Variants in NDUFA13 observed in about 807,000 individuals in gnomAD.
The protein encoded by NDUFA13 is NADH dehydrogenase [ubiquinone] 1 alpha subcomplex subunit 13.
Under a neutral mutation model 17.0 loss-of-function variants are expected in NDUFA13, and 16 were observed. The ratio of observed to expected loss-of-function variants is 0.94; its 90% CI spans 0.64 to 1.43. The LOEUF is 1.43. Ranked by LOEUF, NDUFA13 falls within the 40% of genes most tolerant of loss-of-function variation. The pLI, the probability that NDUFA13 is intolerant of heterozygous loss-of-function variation, is 0.00. For missense variants in NDUFA13, 228 were observed against 206.7 expected (o/e 1.10, Z -0.63); for synonymous variants, 87 against 78.4 (o/e 1.11, Z -0.58).
chr19:19,525,684 G>A (rs993792579), intron 1 of NDUFA13, among the ~76,000 whole-genome samples: 2 of 152,140 alleles, frequency 1.3e-5, no homozygotes, highest in Admixed American at 6.5e-5. Context: ...ATTCATGATG[G>A]CCTAGGTCCT....
At chr19:19,519,669 G>A (rs1203199803) in intron 1 of NDUFA13, among the ~76,000 whole-genome samples, 2 of 152,216 alleles carry the variant, frequency 1.3e-5, no homozygotes, top group Non-Finnish European at 2.9e-5. Flanking sequence ...TGTTGGTGAG[G>A]CCTGGGATAA....
chr19:19,520,906 G>A (rs750314838), intron 1 of NDUFA13, among the ~76,000 whole-genome samples: 1 of 152,150 alleles, frequency 6.6e-6, no homozygotes, highest in Non-Finnish European at 1.5e-5. Context: ...CAAGTGTTGT[G>A]TTTTCATTTT....
intron 2 of NDUFA13, chr19:19,526,694 G>C (rs934545758): frequency 3.1e-6 from 1 of 319,958 alleles, no homozygotes; most frequent in Non-Finnish European, 6.1e-6. Context: ...ACCACACCAG[G>C]CAGTGGACAC....
At chr19:19,526,043 G>A in intron 1 of NDUFA13, 139 bp from the exon 2 acceptor site, 1 of 1,524,462 alleles carries the variant, frequency 6.6e-7, no homozygotes, top group South Asian at 1.2e-5. Context: ...TGGCATGGGG[G>A]CAGAGGTGTC....
At chr19:19,526,615 A>G in intron 2 of NDUFA13, 1 of 370,550 alleles carries the variant, frequency 2.7e-6, no homozygotes, top group South Asian at 2.2e-5. Flanking sequence ...TTAGGACAGG[A>G]TATGAGTGGG....
chr19:19,525,013 G>C (rs2061094019), intron 1 of NDUFA13, among the ~76,000 whole-genome samples: 1 of 152,072 alleles, frequency 6.6e-6, no homozygotes, highest in Non-Finnish European at 1.5e-5. Flanking sequence ...CTCCAGCCTG[G>C]GTAGCAGAGT....
At chr19:19,522,533 C>T (rs1485384119) in intron 1 of NDUFA13, among the ~76,000 whole-genome samples, 5 of 127,966 alleles carry the variant, frequency 3.9e-5, no homozygotes, top group Non-Finnish European at 6.2e-5. Flanking sequence ...GGCTGGAGTG[C>T]AGTGGCGCGA....
At chr19:19,524,236 G>A (rs1369208070) in intron 1 of NDUFA13, among the ~76,000 whole-genome samples, 1 of 152,262 alleles carries the variant, frequency 6.6e-6, no homozygotes, top group Non-Finnish European at 1.5e-5. Flanking sequence ...GCCCCCCTGT[G>A]GTTGGCGAGG....
intron 1 of NDUFA13, among the ~76,000 whole-genome samples, chr19:19,519,971 CTTTTTTT>C (rs397963977): frequency 1.7e-5 from 2 of 120,270 alleles, no homozygotes; most frequent in African/African-American, 3.2e-5. Context: ...TTTTTGTTCT[CTTTTTTT>C]TTTTTTTTTT....
intron 2 of NDUFA13, chr19:19,526,860 G>T: frequency 3.4e-6 from 1 of 297,278 alleles, no homozygotes; most frequent in Admixed American, 4.8e-5. Context: ...AAAGCAGGGA[G>T]AAGAAAGGAA....
intron 1 of NDUFA13, among the ~76,000 whole-genome samples, chr19:19,524,838 G>A (rs1162981253): frequency 2.0e-5 from 3 of 151,782 alleles, no homozygotes; most frequent in Non-Finnish European, 2.9e-5. Flanking sequence ...AGAAAAGAAC[G>A]AGATATGACC....
chr19:19,527,893 C>A, intron 4 of NDUFA13, 114 bp from the exon 5 acceptor site: 1 of 1,491,756 alleles, frequency 6.7e-7, no homozygotes. Context: ...CCAGGTCCCA[C>A]AAGGGAAGGC....
At chr19:19,518,758 T>TTTTTTTTG (rs2061062440) in intron 1 of NDUFA13, among the ~76,000 whole-genome samples, 2 of 126,982 alleles carry the variant, frequency 1.6e-5, no homozygotes, top group African/African-American at 3.6e-5. Context: ...TTTTTTTTTT[T>TTTTTTTTG]GAGATGGAGT....
intron 1 of NDUFA13, among the ~76,000 whole-genome samples, chr19:19,524,243 G>A (rs372786204): frequency 6.6e-6 from 1 of 152,260 alleles, no homozygotes; most frequent in East Asian, 1.9e-4. Flanking sequence ...TGTGGTTGGC[G>A]AGGAGGAAGA....
At position 19,528,109 on chromosome 19, in the gene NDUFA13, T is replaced by G. The variant is rs1175508199; in HGVS notation, c.418T>G (p.Phe140Val). 6.2e-7 allele frequency: 1 copy of G among 1,611,716 alleles called. No homozygotes were observed. Among genetic ancestry groups the G allele is most frequent in the East Asian group, 2.2e-5 (1 of 44,888 alleles). ...GGAGGCTCTCCATGCCAGCCACGGC[T>G]TCATGTGGTACACGTAGGCCCTGTG... ...TEEALHASHG[F>V]MWYT The change falls in exon 5 of 5, where the codon TTC (phenylalanine) becomes GTC (valine). Residue 140 changes from phenylalanine (F) to valine (V), a missense_variant. Phe to Val is a conservative substitution (Grantham distance 50, BLOSUM62 -1). Transcript: ENST00000507754.
Position 19,528,063 on chromosome 19 carries a change from G to A in NDUFA13, c.372G>A (p.Leu124=). 6.2e-7 allele frequency: 1 copy of A among 1,612,074 alleles called. No homozygotes were observed. Among genetic ancestry groups the A allele is most frequent in the Middle Eastern group, 2.0e-4 (1 of 5,098 alleles). Residue 124 remains leucine (L), a synonymous_variant, in exon 5 of 5, where the codon CTG becomes CTA. Transcript: ENST00000507754. ...GGGTGCCCCCCTTGATCGGGGAGCT[G>A]TACGGGCTGCGCACCACAGAGGAGG... ...TRWVPPLIGE[L]YGLRTTEEAL...
intron 2 of NDUFA13, among the ~76,000 whole-genome samples, 157 bp from the exon 3 acceptor site, chr19:19,527,124 C>G (rs1383332921): frequency 6.6e-6 from 1 of 152,234 alleles, no homozygotes; most frequent in Non-Finnish European, 1.5e-5. Context: ...TGCCCACAGC[C>G]CTTGCCCTTC....
chr19:19,526,170 C>T lies in NDUFA13; in HGVS notation c.95-12C>T. ...GGCGGGCTGGCCCGCTGAGCAGCGC[C>T]TCTCTTCACAGGCTACAGCATGCTG... is the stretch of plus-strand genomic sequence containing the variant. On this transcript the variant is annotated splice_polypyrimidine_tract_variant and intron_variant, in intron 1 of 4. Coordinates refer to ENST00000507754, the MANE Select transcript of NDUFA13 (RefSeq NM_015965.7). The T allele has an allele frequency of 6.2e-7, 1 of 1,613,548 alleles. No homozygotes were observed. The highest frequency in any genetic ancestry group is 8.5e-7 in the Non-Finnish European group (1 of 1,179,878).
At chr19:19,521,859 C>T (rs574185490) in intron 1 of NDUFA13, among the ~76,000 whole-genome samples, 15 of 152,134 alleles carry the variant, frequency 9.9e-5, no homozygotes, top group African/African-American at 3.6e-4. Flanking sequence ...GCCTCGGCCT[C>T]CCAAAGTGCT....
Sources: allele counts gnomAD v4.1 joint callset (sites outside exome capture counted in the v4.1 genomes callset), GRCh38; gene constraint gnomAD v4.1.1; transcripts MANE v1.5; gene names NCBI Gene and HGNC (gene_info 2026-07-23, HGNC 2026-07-21).